Variants in APBB2 observed in about 807,000 individuals in gnomAD.
APBB2 encodes Fe65-like 1.
A neutral mutation model predicts 82.5 loss-of-function variants in APBB2; 38 were observed. The ratio of observed to expected loss-of-function variants is 0.46; its 90% confidence interval spans 0.36 to 0.60. APBB2 has a LOEUF of 0.60. Ranked by LOEUF, APBB2 falls within the 20% of genes least tolerant of loss-of-function variation. The pLI is 0.00. For synonymous variants in APBB2, 341 were observed against 368.2 expected, an observed-to-expected ratio of 0.93 and a Z score of 0.85; for missense variants, 772 against 972.3, an observed-to-expected ratio of 0.79 and a Z score of 2.74.
chr4:41,155,792 G>T (rs1763305624), intron 1 of APBB2, among the ~76,000 whole-genome samples: 1 of 152,172 alleles, frequency 6.6e-6, no homozygotes, highest in Non-Finnish European at 1.5e-5. Context: ...CAATCAACAG[G>T]TGAAATCAAG....
intron 7 of APBB2, among the ~76,000 whole-genome samples, chr4:40,936,427 A>C: frequency 6.6e-6 from 1 of 152,076 alleles, no homozygotes. Context: ...TAATTTTTTA[A>C]AACTTTTTTG....
In APBB2 at chr4:41,156,922, C is replaced by T. The variant is rs573522062; in HGVS notation, c.-416-13780G>A. 2.0e-4 allele frequency among the ~76,000 whole-genome samples: 30 copies of T among 152,044 alleles called. No individual in the cohort carries two copies. The South Asian group carries it at 2.7e-3, about 14-fold the overall frequency. On this transcript the variant is annotated intron_variant, in intron 1 of 17. Coordinates refer to ENST00000508593, the MANE Select transcript of APBB2 (RefSeq NM_004307.2). ...TCTCTACTAAAAATACAAAATTAGC[C>T]GGGAATGGTGGTGTACGCCTGCAAT...
At chr4:41,082,273 C>T (rs755253616) in intron 3 of APBB2, among the ~76,000 whole-genome samples, 6 of 152,162 alleles carry the variant, frequency 3.9e-5, no homozygotes, top group Non-Finnish European at 7.3e-5. Flanking sequence ...AACTTTAACC[C>T]TTATCTTTCC....
chr4:40,895,031 T>G (rs1189386281), intron 10 of APBB2, among the ~76,000 whole-genome samples: 2 of 152,144 alleles, frequency 1.3e-5, no homozygotes, highest in African/African-American at 4.8e-5. Context: ...CTTGTAAAGT[T>G]TCCAAATGTG....
intron 4 of APBB2, among the ~76,000 whole-genome samples, chr4:41,049,498 G>T (rs1371593076): frequency 6.9e-6 from 1 of 144,538 alleles, no homozygotes; most frequent in Non-Finnish European, 1.5e-5. Context: ...CGCCCCGTCC[G>T]GGAGGGAGGT....
intron 3 of APBB2, among the ~76,000 whole-genome samples, chr4:41,077,385 A>C (rs558839700): frequency 3.3e-5 from 5 of 152,162 alleles, no homozygotes; most frequent in Non-Finnish European, 5.9e-5. Context: ...TAGGAACTCC[A>C]AAAAAGAGAA....
chr4:41,141,016 C>G (rs1434761319), intron 2 of APBB2, among the ~76,000 whole-genome samples: 1 of 152,082 alleles, frequency 6.6e-6, no homozygotes, highest in Non-Finnish European at 1.5e-5. Flanking sequence ...TTAGATCATC[C>G]TGAAACCATC....
At position 40,810,469 on chromosome 4, in the gene APBB2, TTAG is replaced by T. The variant is rs1361283311; in HGVS notation, c.*5620_*5622del. 6.6e-6 allele frequency: 1 copy of T among 150,806 alleles called. No individual in the cohort carries two copies. The highest frequency in any genetic ancestry group is 1.5e-5 in the Non-Finnish European group (1 of 67,922). 9.3% of individuals were successfully genotyped at this position (150,806 alleles called of 1,614,324 possible). ...GGGACACGCCTGTAGTCCCAGCTAC[TTAG>T]GAGGCTGAGGTACGAGGATCTCTTG... On this transcript the variant is annotated 3_prime_UTR_variant, in exon 18 of 18. Coordinates refer to ENST00000508593, the MANE Select transcript of APBB2 (RefSeq NM_004307.2).
intron 1 of APBB2, among the ~76,000 whole-genome samples, chr4:41,156,562 C>T (rs544477685): frequency 1.3e-5 from 2 of 152,300 alleles, no homozygotes; most frequent in South Asian, 2.1e-4. Context: ...TCATGTGACA[C>T]TAGCGGTGAA....
At chr4:40,959,992 G>C (rs893427267) in intron 6 of APBB2, among the ~76,000 whole-genome samples, 2 of 152,114 alleles carry the variant, frequency 1.3e-5, no homozygotes, top group Non-Finnish European at 2.9e-5. Context: ...AAAAATCTTG[G>C]TGTATTTTTA....
intron 15 of APBB2, among the ~76,000 whole-genome samples, chr4:40,825,164 A>C (rs760709943): frequency 6.6e-6 from 1 of 152,206 alleles, no homozygotes; most frequent in African/African-American, 2.4e-5. Context: ...CTCATCAATA[A>C]TTCTGCTGTG....
chr4:40,992,767 A>AC (rs1257473781), intron 6 of APBB2, among the ~76,000 whole-genome samples: 1 of 152,066 alleles, frequency 6.6e-6, no homozygotes, highest in African/African-American at 2.4e-5. Flanking sequence ...CACCCTCAGG[A>AC]CCCATCACCT....
intron 2 of APBB2, among the ~76,000 whole-genome samples, chr4:41,102,478 G>T (rs1745805481): frequency 6.6e-6 from 1 of 152,130 alleles, no homozygotes; most frequent in Non-Finnish European, 1.5e-5. Flanking sequence ...TTTTTCAAGA[G>T]AACAATTTGA....
chr4:40,891,780 G>A (rs1772085566), intron 11 of APBB2, among the ~76,000 whole-genome samples: 1 of 152,156 alleles, frequency 6.6e-6, no homozygotes, highest in Non-Finnish European at 1.5e-5. Flanking sequence ...TCAGAAGGCT[G>A]AGCATGCTGC....
chr4:41,097,213 T>A (rs1033319359), intron 3 of APBB2, among the ~76,000 whole-genome samples: 1 of 152,178 alleles, frequency 6.6e-6, no homozygotes, highest in African/African-American at 2.4e-5. Context: ...CGCTCTTGTA[T>A]AATATAACAA....
At chr4:40,960,370 T>A (rs1344864016) in intron 6 of APBB2, among the ~76,000 whole-genome samples, 1 of 151,262 alleles carries the variant, frequency 6.6e-6, no homozygotes, top group Middle Eastern at 3.4e-3. Flanking sequence ...GGGGTTAAGA[T>A]ATTTAAATTA....
chr4:41,166,524 G>C (rs1315963435), intron 1 of APBB2, among the ~76,000 whole-genome samples: 1 of 151,168 alleles, frequency 6.6e-6, no homozygotes, highest in East Asian at 1.9e-4. Flanking sequence ...GCTGCAGTGA[G>C]CCAAGATTGC....
intron 12 of APBB2, among the ~76,000 whole-genome samples, chr4:40,877,601 CG>C (rs1767232969): frequency 6.6e-6 from 1 of 152,144 alleles, no homozygotes; most frequent in Admixed American, 6.5e-5. Flanking sequence ...ATGCCTTAAT[CG>C]GTGCTATATA....
At chr4:41,088,282 G>C (rs367578109) in intron 3 of APBB2, among the ~76,000 whole-genome samples, 2 of 152,036 alleles carry the variant, frequency 1.3e-5, no homozygotes, top group African/African-American at 4.8e-5. Flanking sequence ...TAGTCTGTTG[G>C]TGAAAAGGTC....
Sources: gnomAD v4.1 joint callset for allele counts (sites outside exome capture counted in the v4.1 genomes callset) on GRCh38, gnomAD v4.1.1 for gene constraint, MANE v1.5 for transcripts, NCBI Gene and HGNC (gene_info 2026-07-23, HGNC 2026-07-21) for gene names.